Variants in NRXN1 observed in about 807,000 individuals in gnomAD.
NRXN1 encodes the protein neurexin-1.
Under a neutral mutation model 150.9 loss-of-function variants are expected in NRXN1, and 39 were observed. The observed-to-expected ratio is 0.26, with a 90% CI of 0.20 to 0.34. The LOEUF (loss-of-function observed/expected upper bound fraction) is 0.34. NRXN1 is among the 10% of genes least tolerant of loss of function. The pLI, the probability that NRXN1 is intolerant of heterozygous loss-of-function variation, is 1.00. For missense variants in NRXN1, 1,815 were observed against 1,949.9 expected, an observed-to-expected ratio of 0.93 and a Z score of 1.30; for synonymous variants, 924 against 757.0, an observed-to-expected ratio of 1.22 and a Z score of -3.62.
chr2:50,365,102 C>T (rs1427069933), intron 17 of NRXN1, among the ~76,000 whole-genome samples: 1 of 151,990 alleles, frequency 6.6e-6, no homozygotes, highest in African/African-American at 2.4e-5. Flanking sequence ...TGAACTGATA[C>T]ATGAAGCTTT....
intron 17 of NRXN1, among the ~76,000 whole-genome samples, chr2:50,378,961 T>TA (rs1440240339): frequency 6.6e-6 from 1 of 152,130 alleles, no homozygotes; most frequent in Non-Finnish European, 1.5e-5. Flanking sequence ...TAAACATTCT[T>TA]AGATTTTCCA....
chr2:50,538,987 T>G (rs187672929), intron 9 of NRXN1, among the ~76,000 whole-genome samples: 345 of 152,310 alleles, frequency 2.3e-3, no homozygotes, highest in Non-Finnish European at 2.4e-3. Context: ...GAAAGTCAGA[T>G]TCCCCTGGGT....
At chr2:50,334,228 TTAACGG>T (rs1484489192) in intron 17 of NRXN1, among the ~76,000 whole-genome samples, 1 of 147,946 alleles carries the variant, frequency 6.8e-6, no homozygotes, top group African/African-American at 2.6e-5. Flanking sequence ...TAGATATTGT[TTAACGG>T]GCCTCACGTC....
At chr2:50,963,431 T>G (rs897324491) in intron 2 of NRXN1, among the ~76,000 whole-genome samples, 8 of 151,690 alleles carry the variant, frequency 5.3e-5, no homozygotes, top group African/African-American at 1.9e-4. Context: ...GAAAACTATA[T>G]GTAGCAGTTT....
intron 8 of NRXN1, among the ~76,000 whole-genome samples, chr2:50,612,800 G>T (rs1323265338): frequency 1.3e-5 from 2 of 152,256 alleles, no homozygotes; most frequent in Admixed American, 6.5e-5. Flanking sequence ...TTCTGTTGAG[G>T]TCTCATGAGT....
At chr2:51,027,478 C>A (rs751673680) in intron 2 of NRXN1, 24 bp downstream of exon 2, 9 of 1,493,824 alleles carry the variant, frequency 6.0e-6, no homozygotes, top group Non-Finnish European at 7.1e-6. Flanking sequence ...CCCCGGCCCC[C>A]GTGGGTCGGG....
At chr2:50,446,461 G>T (rs2086412007) in intron 17 of NRXN1, among the ~76,000 whole-genome samples, 2 of 95,314 alleles carry the variant, frequency 2.1e-5, no homozygotes, top group South Asian at 3.8e-4. Context: ...CCTTTCCCCT[G>T]TTCCTCCCTC....
rs551674985 is a variant in NRXN1, at chr2:50,469,096, G to A, written c.3244+3202C>T. Among the ~76,000 whole-genome samples the A allele has an allele frequency of 2.0e-5, 3 of 151,686 alleles. No homozygotes were observed. The South Asian group carries it at 6.2e-4, about 31-fold the overall frequency. ...CCAAAGTATGGTCTCCAGTATAACA[G>A]CATCAGCATCACTTGGGAACTTGTT... On this transcript the variant is annotated intron_variant, in intron 16 of 22. Transcript: ENST00000401669.
chr2:50,667,660 G>C (rs957775979), intron 5 of NRXN1, among the ~76,000 whole-genome samples: 4 of 151,886 alleles, frequency 2.6e-5, no homozygotes, highest in African/African-American at 9.7e-5. Context: ...AGATCTCTAA[G>C]AAACGTTCTC....
intron 19 of NRXN1, among the ~76,000 whole-genome samples, chr2:50,064,424 T>C (rs1159896781): frequency 2.6e-5 from 3 of 116,054 alleles, no homozygotes; most frequent in Non-Finnish European, 3.6e-5. Flanking sequence ...TAATACCACG[T>C]GGGATCTTCT....
At chr2:50,142,957 AT>A (rs1244897529) in intron 18 of NRXN1, among the ~76,000 whole-genome samples, 1 of 151,934 alleles carries the variant, frequency 6.6e-6, no homozygotes, top group Non-Finnish European at 1.5e-5. Context: ...CTATCACCCT[AT>A]CCCCGTAACA....
intron 2 of NRXN1, among the ~76,000 whole-genome samples, chr2:50,983,024 T>C (rs1020141912): frequency 6.6e-6 from 1 of 152,040 alleles, no homozygotes; most frequent in African/African-American, 2.4e-5. Context: ...GTTTTATATA[T>C]ATATAGTTCT....
At chr2:50,015,633 GATA>G (rs1006685241) in intron 21 of NRXN1, among the ~76,000 whole-genome samples, 9 of 149,318 alleles carry the variant, frequency 6.0e-5, no homozygotes, top group African/African-American at 2.0e-4. Context: ...CCTTTTCAAT[GATA>G]ATGTTCCATG....
intron 22 of NRXN1, among the ~76,000 whole-genome samples, chr2:49,942,574 T>C (rs1672172196): frequency 6.6e-6 from 1 of 150,706 alleles, no homozygotes; most frequent in East Asian, 2.0e-4. Flanking sequence ...CTCACTCATT[T>C]TGTTAATGCA....
At chr2:50,186,641 G>T (rs1241883389) in intron 18 of NRXN1, among the ~76,000 whole-genome samples, 5 of 152,010 alleles carry the variant, frequency 3.3e-5, no homozygotes, top group Non-Finnish European at 5.9e-5. Flanking sequence ...ACAGTAAGAA[G>T]CTCAGAAAAA....
At chr2:50,399,514 A>G (rs1013520196) in intron 17 of NRXN1, among the ~76,000 whole-genome samples, 1 of 151,786 alleles carries the variant, frequency 6.6e-6, no homozygotes, top group African/African-American at 2.4e-5. Context: ...GCTTCTTCCT[A>G]TTGGGAGAGC....
At chr2:50,247,755 T>C (rs905303807) in intron 17 of NRXN1, among the ~76,000 whole-genome samples, 2 of 152,048 alleles carry the variant, frequency 1.3e-5, no homozygotes, top group Non-Finnish European at 2.9e-5. Context: ...CTGGCTTTGA[T>C]AGTGGACCAC....
At chr2:50,198,134 C>G (rs1232317207) in intron 18 of NRXN1, among the ~76,000 whole-genome samples, 3 of 152,056 alleles carry the variant, frequency 2.0e-5, no homozygotes, top group African/African-American at 2.4e-5. Context: ...GCATTGCTAT[C>G]ACCAAATAGC....
chr2:50,923,205 C>T (rs1203030248), intron 3 of NRXN1, among the ~76,000 whole-genome samples: 3 of 151,790 alleles, frequency 2.0e-5, no homozygotes, highest in Non-Finnish European at 2.9e-5. Flanking sequence ...GCAGAAATGT[C>T]TCCTTGTCTG....
Sources: allele counts gnomAD v4.1 joint callset (sites outside exome capture counted in the v4.1 genomes callset), GRCh38; gene constraint gnomAD v4.1.1; transcripts MANE v1.5; gene names NCBI Gene and HGNC (gene_info 2026-07-23, HGNC 2026-07-21).